Variants in ZSCAN5A observed in about 807,000 individuals in gnomAD.
ZSCAN5A encodes zinc finger and SCAN domain containing 5A, also known as zinc finger and SCAN domain-containing protein 5A.
Under a neutral mutation model 23.7 loss-of-function variants are expected in ZSCAN5A, and 12 were observed. That is an observed-to-expected ratio of 0.51 (90% confidence interval 0.32 to 0.82). The LOEUF (loss-of-function observed/expected upper bound fraction) is 0.82, where lower values mean the gene tolerates loss of function less well. Among genes scored for constraint, ZSCAN5A ranks in the 40% least tolerant of loss-of-function variants. The probability of loss-of-function intolerance (pLI) is 0.03; values close to 1 mark genes in which losing one functional copy is unlikely to be tolerated. For synonymous variants in ZSCAN5A, 257 were observed against 239.9 expected, an observed-to-expected ratio of 1.07 and a Z score of -0.66; for missense variants, 597 against 617.9, an observed-to-expected ratio of 0.97 and a Z score of 0.36.
At chr19:56,297,668 T>G in intron 2 of ZSCAN5A, 2 of 300,332 alleles carry the variant, frequency 6.7e-6, no homozygotes, top group Non-Finnish European at 9.8e-6. Context: ...GAGGCTGCCT[T>G]CCTGAAGGGC....
In ZSCAN5A at chr19:56,224,771, G is replaced by T. The variant is rs2033735018; in HGVS notation, c.276C>A (p.Phe92Leu). The change falls in exon 3 of 6, where the codon TTC becomes TTA. Residue 92 changes from phenylalanine (F) to leucine (L), a missense_variant. Coordinates refer to ENST00000683990, the MANE Select transcript of ZSCAN5A (RefSeq NM_001322064.3). ...QILDMLVMEQ[F>L]MISMPQELQV... is the part of the protein sequence containing the mutation. ...GGAGCTCCTGGGGCATGGAGATCAT[G>T]AACTGCTCCATCACCAGCATGTCCA... 3 of 1,607,712 alleles carry T rather than the reference G, an allele frequency of 1.9e-6. No homozygotes were observed. Among genetic ancestry groups the T allele is most frequent in the Non-Finnish European group, 2.6e-6 (3 of 1,176,172 alleles).
Position 56,251,790 on chromosome 19 carries a change from T to C in ZSCAN5A, c.-127-26617A>G, listed in dbSNP as rs1255296023. 2.0e-5 allele frequency among the ~76,000 whole-genome samples: 3 copies of C among 152,228 alleles called. No individual in the cohort carries two copies. In the East Asian group the frequency reaches 5.8e-4, roughly 29 times the overall value. ...GTTGCCCAGGCCAGTCTCAAAGTCC[T>C]GAGCTCAATTGATCTTCCTGCCTTG... On this transcript the variant is annotated intron_variant, in intron 2 of 5. Transcript: ENST00000683990.
In ZSCAN5A at chr19:56,221,485, C is replaced by T. The variant is rs1218298858; in HGVS notation, c.*90G>A. ...GGCACTCCCTCTGTGTGTCAGACGC[C>T]CTTGCATGTGTCAAATGTCATCTGA... On this transcript the variant is annotated 3_prime_UTR_variant, in exon 6 of 6. Coordinates refer to ENST00000683990, the MANE Select transcript of ZSCAN5A (RefSeq NM_001322064.3). The T allele has an allele frequency of 1.3e-6, 2 of 1,487,648 alleles. No individual in the cohort carries two copies. Among genetic ancestry groups the T allele is most frequent in the East Asian group, 2.3e-5 (1 of 43,960 alleles). The allele number at this position is 1,487,648 out of a possible 1,614,324, so 92.2% of individuals were successfully genotyped here.
chr19:56,249,312 G>C (rs1001956765), intron 2 of ZSCAN5A, among the ~76,000 whole-genome samples: 1 of 152,146 alleles, frequency 6.6e-6, no homozygotes, highest in African/African-American at 2.4e-5. Context: ...CTGTCACCCA[G>C]GCTGGCTGGA....
chr19:56,304,825 C>G, intron 2 of ZSCAN5A: 1 of 984,298 alleles, frequency 1.0e-6, no homozygotes, highest in South Asian at 4.7e-5. Context: ...TGGAACTGGA[C>G]ATCAGGTATG....
At chr19:56,263,642 AAACTCT>A (rs1038460202) in intron 2 of ZSCAN5A, 2 of 152,220 alleles carry the variant, frequency 1.3e-5, no homozygotes, top group African/African-American at 2.4e-5. Context: ...TCTTTGGAAG[AAACTCT>A]AACACTTTCC....
intron 2 of ZSCAN5A, among the ~76,000 whole-genome samples, chr19:56,253,674 C>T (rs865845250): frequency 5.9e-5 from 9 of 152,162 alleles, no homozygotes; most frequent in Middle Eastern, 3.4e-3. Flanking sequence ...AGAATGAGGA[C>T]GCGTGGGGAG....
At chr19:56,271,060 A>G (rs1252664889) in intron 2 of ZSCAN5A, among the ~76,000 whole-genome samples, 2 of 152,222 alleles carry the variant, frequency 1.3e-5, no homozygotes, top group Non-Finnish European at 2.9e-5. Flanking sequence ...TAGTGTTATG[A>G]GTTAGGGACT....
At chr19:56,245,493 T>C (rs916599149) in intron 2 of ZSCAN5A, 2 of 463,156 alleles carry the variant, frequency 4.3e-6, no homozygotes, top group African/African-American at 4.0e-5. Flanking sequence ...TGAGTGTGCC[T>C]CTGGACTGAT....
chr19:56,359,865 T>G (rs1358205125), intron 2 of ZSCAN5A, among the ~76,000 whole-genome samples: 1 of 152,116 alleles, frequency 6.6e-6, no homozygotes, highest in East Asian at 1.9e-4. Flanking sequence ...AGGCCTTTGA[T>G]AAAATTCAAC....
chr19:56,353,894 G>A (rs1396910560), intron 2 of ZSCAN5A, among the ~76,000 whole-genome samples: 1 of 152,212 alleles, frequency 6.6e-6, no homozygotes, highest in Non-Finnish European at 1.5e-5. Flanking sequence ...CAGCCCACAT[G>A]TCCATCGACA....
intron 2 of ZSCAN5A, among the ~76,000 whole-genome samples, chr19:56,349,792 T>G (rs752100287): frequency 2.6e-5 from 4 of 151,732 alleles, no homozygotes; most frequent in Non-Finnish European, 5.9e-5. Flanking sequence ...CTACGCATCT[T>G]ACTCAGTCCC....
At chr19:56,246,957 C>G in intron 2 of ZSCAN5A, 1 of 1,506,056 alleles carries the variant, frequency 6.6e-7, no homozygotes. Context: ...TGGGCAACAG[C>G]GAATCCCCAG....
At chr19:56,321,109 C>T (rs982054057) in intron 2 of ZSCAN5A, 45 of 686,076 alleles carry the variant, frequency 6.6e-5, no homozygotes, top group Middle Eastern at 2.9e-4. Flanking sequence ...AACAAGGGGA[C>T]GGATACTGCT....
chr19:56,236,564 T>C (rs111516714), intron 2 of ZSCAN5A, among the ~76,000 whole-genome samples: 3 of 30,070 alleles, frequency 1.0e-4, no homozygotes, highest in Non-Finnish European at 1.4e-4. Context: ...CAGCCTCTGA[T>C]GGACGGTGGG....
intron 2 of ZSCAN5A, among the ~76,000 whole-genome samples, chr19:56,260,665 G>A (rs75207478): frequency 0.03 from 4,570 of 152,156 alleles, 203 homozygotes; most frequent in African/African-American, 0.1. Context: ...TAAAGCTACA[G>A]TGACCATCTA....
At position 56,222,289 on chromosome 19, in the gene ZSCAN5A, TG is replaced by T. The variant is rs1568602903; in HGVS notation, c.776del (p.Pro259GlnfsTer3). ...LVRAKEGKDPPKIASVENVDA... is the reference protein window; with the variant it reads ...LVRAKEGKDPXKIASVENVDA... ...CCACATTTTCCACAGAGGCTATTTT[TG>T]GGGGGTCCTTCCCCTCCTTTGCTCT... is the stretch of plus-strand genomic sequence containing the variant. On this transcript the variant is annotated frameshift_variant, in exon 6 of 6. Transcript: ENST00000683990. LOFTEE classifies it low-confidence loss of function (END_TRUNC). The T allele has an allele frequency of 1.9e-6, 3 of 1,613,036 alleles. No individual in the cohort carries two copies. The highest frequency in any genetic ancestry group is 1.7e-6 in the Non-Finnish European group (2 of 1,179,850).
upstream of ZSCAN5A, chr19:56,317,200 A>G (rs1300093231): frequency 6.6e-6 from 1 of 152,202 alleles, no homozygotes; most frequent in Non-Finnish European, 1.5e-5. Context: ...AGCACTTGGG[A>G]GCAAAGATGC....
chr19:56,265,544 C>T (rs2037415582), intron 2 of ZSCAN5A, among the ~76,000 whole-genome samples: 1 of 151,734 alleles, frequency 6.6e-6, no homozygotes, highest in Non-Finnish European at 1.5e-5. Context: ...AGCTGAACTT[C>T]TTGAATCAAG....
Sources: allele counts gnomAD v4.1 joint callset (sites outside exome capture counted in the v4.1 genomes callset), GRCh38; gene constraint gnomAD v4.1.1; transcripts MANE v1.5; gene names NCBI Gene and HGNC (gene_info 2026-07-23, HGNC 2026-07-21).